Variants in FHDC1 observed in about 807,000 individuals in gnomAD.
The protein encoded by FHDC1 is FH2 domain-containing protein 1.
A neutral mutation model predicts 52.6 loss-of-function variants in FHDC1; 25 were observed. The observed-to-expected ratio is 0.48, with a 90% confidence interval of 0.35 to 0.66. The LOEUF (loss-of-function observed/expected upper bound fraction) is 0.66, where lower values mean the gene tolerates loss of function less well. FHDC1 is among the 30% of genes least tolerant of loss of function. The pLI is 0.01. For synonymous variants in FHDC1, 616 were observed against 581.5 expected (o/e 1.06, Z -0.85); for missense variants, 1,459 against 1,452.8 (o/e 1.00, Z -0.07).
the FHDC1 span, among the ~76,000 whole-genome samples, chr4:152,920,864 A>C: frequency 7.3e-5 from 11 of 151,592 alleles, no homozygotes; most frequent in African/African-American, 2.2e-4. Flanking sequence ...AAAAAAAAAA[A>C]CCCAATCTCT....
At chr4:152,951,594 C>CGTTG (rs1425371707) in intron 2 of FHDC1, among the ~76,000 whole-genome samples, 4 of 151,868 alleles carry the variant, frequency 2.6e-5, no homozygotes, top group Admixed American at 2.6e-4. Flanking sequence ...GTGACATTAA[C>CGTTG]GTTGGTTAAC....
At chr4:152,933,729 CAAA>C (rs70949623), upstream of FHDC1, among the ~76,000 whole-genome samples, 5 of 60,800 alleles carry the variant, frequency 8.2e-5, no homozygotes, top group Non-Finnish European at 1.0e-4. Flanking sequence ...GACCCCGTCT[CAAA>C]AAAAAAAAAA....
In FHDC1 at chr4:152,978,376, G is replaced by T. The variant is rs917863382; in HGVS notation, c.*1653G>T. The stretch of plus-strand genomic sequence containing the variant: ...TCCTTGTCTCTGTCTCTTAATAATA[G>T]TTTTTAACGTGGACATCTCTTCCTT... On this transcript the variant is annotated 3_prime_UTR_variant, in exon 12 of 12. Transcript: ENST00000511601. The T allele has an allele frequency of 6.6e-6, 1 of 152,166 alleles. No homozygotes were observed. The highest frequency in any genetic ancestry group is 1.5e-5 in the Non-Finnish European group (1 of 68,038). The allele number at this position is 152,166 out of a possible 1,614,324, so 9.4% of individuals were successfully genotyped here.
chr4:152,967,426 C>CA (rs541098373), intron 9 of FHDC1, among the ~76,000 whole-genome samples: 8,709 of 142,952 alleles, frequency 0.061, 307 homozygotes, highest in Non-Finnish European at 0.083. Context: ...GATTGTGTCT[C>CA]AAAAAAAAAA....
At chr4:152,921,987 A>C in the FHDC1 span, among the ~76,000 whole-genome samples, 14 of 152,328 alleles carry the variant, frequency 9.2e-5, no homozygotes, top group African/African-American at 2.6e-4. Flanking sequence ...AGCTAGCAGA[A>C]GGCAAGAAAT....
At chr4:152,950,806 A>G (rs754887756) in intron 2 of FHDC1, among the ~76,000 whole-genome samples, 1 of 152,248 alleles carries the variant, frequency 6.6e-6, no homozygotes, top group Non-Finnish European at 1.5e-5. Flanking sequence ...AACGTTTGCT[A>G]CGTCTCTATA....
chr4:152,959,269 G>A (rs1175957165), intron 4 of FHDC1, among the ~76,000 whole-genome samples: 1 of 152,240 alleles, frequency 6.6e-6, no homozygotes, highest in African/African-American at 2.4e-5. Flanking sequence ...GGACTTAGAA[G>A]TGGTTTTGCC....
chr4:152,928,387 G>A, the FHDC1 span, among the ~76,000 whole-genome samples: 3 of 152,154 alleles, frequency 2.0e-5, no homozygotes, highest in African/African-American at 4.8e-5. Flanking sequence ...CCTGAATCGT[G>A]TTTGGTTTCT....
rs1561211177 is a variant in FHDC1 at position 152,963,765 on chromosome 4, C to CTTTGTT, written c.1029+639_1029+644dup. Among the ~76,000 whole-genome samples, 3 of 50,874 alleles carry CTTTGTT rather than the reference C, an allele frequency of 5.9e-5. 1 individual carries two copies. The highest frequency in any genetic ancestry group is 1.4e-4 in the African/African-American group (2 of 13,988). The allele number at this position is 50,874 out of a possible 152,430, so 33.4% of individuals were successfully genotyped here. On this transcript the variant is annotated intron_variant, in intron 8 of 11. Coordinates refer to ENST00000511601, the MANE Select transcript of FHDC1 (RefSeq NM_001371116.1). ...GTTTGGAGTCTGATCCTATCCATTG[C>CTTTGTT]TTTGTTTTTTTTTTTTTTTTTTTTT... is the stretch of plus-strand genomic sequence containing the variant.
chr4:152,947,133 C>T (rs1739757476), intron 2 of FHDC1, among the ~76,000 whole-genome samples: 1 of 151,352 alleles, frequency 6.6e-6, no homozygotes, highest in Admixed American at 6.6e-5. Flanking sequence ...GGATGAGAAT[C>T]GCTTGAACCC....
chr4:152,948,349 G>A (rs552927288), intron 2 of FHDC1, among the ~76,000 whole-genome samples: 1 of 152,274 alleles, frequency 6.6e-6, no homozygotes, highest in Admixed American at 6.5e-5. Flanking sequence ...GACAAATACT[G>A]TATGATTCCC....
At chr4:152,949,693 C>G (rs116642489) in intron 2 of FHDC1, among the ~76,000 whole-genome samples, 6,124 of 152,298 alleles carry the variant, frequency 0.04, 196 homozygotes, top group Middle Eastern at 0.092. Flanking sequence ...ACATGTCTCA[C>G]TGAGTGGCAT....
chr4:152,917,252 T>C, the FHDC1 span, among the ~76,000 whole-genome samples: 1 of 152,214 alleles, frequency 6.6e-6, no homozygotes, highest in Non-Finnish European at 1.5e-5. Context: ...TATACTACTA[T>C]TCTGTACTAC....
chr4:152,960,038 T>C (rs888875805), intron 4 of FHDC1, among the ~76,000 whole-genome samples: 2 of 152,212 alleles, frequency 1.3e-5, no homozygotes, highest in Admixed American at 6.5e-5. Flanking sequence ...TTAAAGCTAT[T>C]GTATGTGAAG....
chr4:152,959,102 G>A (rs1027482920), intron 4 of FHDC1, among the ~76,000 whole-genome samples: 1 of 152,194 alleles, frequency 6.6e-6, no homozygotes, highest in Non-Finnish European at 1.5e-5. Flanking sequence ...TCATAACCAA[G>A]GGAGTGGAAG....
the FHDC1 span, chr4:152,927,443 G>T: frequency 1.3e-6 from 1 of 799,612 alleles, no homozygotes. Context: ...TGGTTGTTTC[G>T]TTATGGATGG....
intron 1 of FHDC1, among the ~76,000 whole-genome samples, chr4:152,937,757 G>A (rs1739438080): frequency 6.6e-6 from 1 of 152,058 alleles, no homozygotes; most frequent in South Asian, 2.1e-4. Flanking sequence ...TCTGCCCGGC[G>A]CTGATAAGGA....
the FHDC1 span, among the ~76,000 whole-genome samples, chr4:152,925,544 CAT>C: frequency 6.6e-6 from 1 of 152,030 alleles, no homozygotes; most frequent in African/African-American, 2.4e-5. Flanking sequence ...CCAAATCAAA[CAT>C]AAAATTATAG....
intron 1 of FHDC1, among the ~76,000 whole-genome samples, chr4:152,937,527 C>A (rs1262801338): frequency 6.6e-6 from 1 of 151,854 alleles, no homozygotes; most frequent in African/African-American, 2.4e-5. Flanking sequence ...CGGGAATGGG[C>A]GAGCGGGTGC....
Sources: allele counts gnomAD v4.1 joint callset (sites outside exome capture counted in the v4.1 genomes callset), GRCh38; gene constraint gnomAD v4.1.1; transcripts MANE v1.5; gene names NCBI Gene and HGNC (gene_info 2026-07-23, HGNC 2026-07-21).